RAPGEF4: variants seen among roughly 807,000 people sequenced by gnomAD.
RAPGEF4 encodes the protein RAP guanine-nucleotide-exchange factor (GEF) 4.
Under a neutral mutation model 147.9 loss-of-function variants are expected in RAPGEF4, and 66 were observed. The observed-to-expected ratio is 0.45, with a 90% CI of 0.37 to 0.55. RAPGEF4 has a LOEUF of 0.55. RAPGEF4 is among the 20% of genes least tolerant of loss of function. The pLI is 0.00. For synonymous variants in RAPGEF4, 419 were observed against 442.7 expected, an observed-to-expected ratio of 0.95 and a Z score of 0.67; for missense variants, 1,071 against 1,257.3, an observed-to-expected ratio of 0.85 and a Z score of 2.24.
At position 172,857,724 on chromosome 2, in the gene RAPGEF4, G is replaced by T. The variant is rs1287295821; in HGVS notation, c.444+43299G>T. On this transcript the variant is annotated intron_variant, in intron 4 of 30. Coordinates refer to ENST00000397081, the MANE Select transcript of RAPGEF4 (RefSeq NM_007023.4). ...TGGCAAAACCCCATGTGTACAAAAA[G>T]TACAAAAATTAGCTGGGTGTGGTGG... Among the ~76,000 whole-genome samples the T allele has an allele frequency of 1.6e-4, 24 of 151,570 alleles. 1 individual carries two copies. The highest frequency in any genetic ancestry group is 1.6e-3 in the Admixed American group (24 of 15,200).
intron 14 of RAPGEF4, 130 bp downstream of exon 14, chr2:172,988,969 G>T: frequency 9.9e-7 from 1 of 1,011,248 alleles, no homozygotes; most frequent in Non-Finnish European, 1.4e-6. Flanking sequence ...AAGGGCCTTT[G>T]TTACAAACCG....
chr2:172,775,718 T>G (rs916526288), intron 1 of RAPGEF4, among the ~76,000 whole-genome samples: 1 of 152,160 alleles, frequency 6.6e-6, no homozygotes, highest in Admixed American at 6.5e-5. Flanking sequence ...GTCAAACTTT[T>G]GTCTAACAAA....
intron 4 of RAPGEF4, among the ~76,000 whole-genome samples, chr2:172,815,768 G>C (rs1044462653): frequency 6.6e-6 from 1 of 152,160 alleles, no homozygotes; most frequent in African/African-American, 2.4e-5. Flanking sequence ...AGGATGGTTT[G>C]TGGAAATATT....
Position 172,965,635 on chromosome 2 carries a change from G to A in RAPGEF4, c.772G>A (p.Ala258Thr). Residue 258 changes from alanine to threonine, a missense_variant, in exon 9 of 31, where the codon GCT (alanine) becomes ACT (threonine). By Grantham distance (58) the Ala-to-Thr change is moderately conservative. Transcript: ENST00000397081. The stretch of plus-strand genomic sequence containing the variant: ...ACCATGTGTTCACTCCCGGACTCAA[G>A]CTGTTGGCATGTGGCAAGTCCTGTT... The part of the protein sequence containing the change: ...QTPCVHSRTQ[A>T]VGMWQVLLED... 1 of 1,614,172 alleles carries A rather than the reference G, an allele frequency of 6.2e-7. No individual in the cohort carries two copies. The highest frequency in any genetic ancestry group is 8.5e-7 in the Non-Finnish European group (1 of 1,180,024).
chr2:173,027,508 T>C (rs1376056943), intron 25 of RAPGEF4, among the ~76,000 whole-genome samples: 1 of 152,244 alleles, frequency 6.6e-6, no homozygotes, highest in African/African-American at 2.4e-5. Flanking sequence ...TCTTTGCTCT[T>C]TGCTTTCTAC....
At chr2:172,886,758 C>CT (rs1467218443) in intron 4 of RAPGEF4, among the ~76,000 whole-genome samples, 5 of 147,726 alleles carry the variant, frequency 3.4e-5, no homozygotes, top group Non-Finnish European at 7.5e-5. Flanking sequence ...AGAGATTTTA[C>CT]TATTTTTTTT....
chr2:173,002,036 C>T (rs1023691888), intron 17 of RAPGEF4, among the ~76,000 whole-genome samples: 1 of 130,360 alleles, frequency 7.7e-6, no homozygotes, highest in Non-Finnish European at 1.6e-5. Flanking sequence ...GGGAGGCAGG[C>T]TAGAAAGGGT....
At chr2:172,998,882 T>C (rs1693629020) in intron 16 of RAPGEF4, among the ~76,000 whole-genome samples, 1 of 152,212 alleles carries the variant, frequency 6.6e-6, no homozygotes, top group Admixed American at 6.5e-5. Flanking sequence ...TTCTGGTACA[T>C]TAGAGACTGT....
chr2:173,050,761 A>C (rs1161759299), intron 30 of RAPGEF4, among the ~76,000 whole-genome samples: 1 of 151,104 alleles, frequency 6.6e-6, no homozygotes, highest in Non-Finnish European at 1.5e-5. Flanking sequence ...TCTTAACAAA[A>C]AAAAAAAAAA....
At chr2:172,797,092 T>A (rs1291177858) in intron 2 of RAPGEF4, among the ~76,000 whole-genome samples, 1 of 152,240 alleles carries the variant, frequency 6.6e-6, no homozygotes, top group Admixed American at 6.5e-5. Flanking sequence ...TGGACAATGA[T>A]AATATAGTAG....
At chr2:172,999,289 A>G (rs1693675732) in intron 16 of RAPGEF4, among the ~76,000 whole-genome samples, 1 of 152,210 alleles carries the variant, frequency 6.6e-6, no homozygotes, top group African/African-American at 2.4e-5. Context: ...GAGATAAAGA[A>G]CAAACCAGTA....
At chr2:172,772,813 A>C (rs1383339134) in intron 1 of RAPGEF4, among the ~76,000 whole-genome samples, 2 of 152,258 alleles carry the variant, frequency 1.3e-5, no homozygotes, top group Non-Finnish European at 2.9e-5. Flanking sequence ...GGGGGAAGAC[A>C]GAAGTTTATT....
chr2:172,899,854 C>T (rs1432903602), intron 4 of RAPGEF4, among the ~76,000 whole-genome samples: 3 of 152,178 alleles, frequency 2.0e-5, no homozygotes, highest in South Asian at 2.1e-4. Context: ...GGCTGTGGAC[C>T]GCATGTAGGG....
Position 173,052,704 on chromosome 2 carries a change from T to C in RAPGEF4, c.*937T>C, listed in dbSNP as rs1363624571. 6.6e-6 allele frequency: 1 copy of C among 152,664 alleles called. No homozygotes were observed. Among genetic ancestry groups the C allele is most frequent in the African/African-American group, 2.4e-5 (1 of 41,468 alleles). The allele number at this position is 152,664 out of a possible 1,614,324, so 9.5% of individuals were successfully genotyped here. A position where few individuals can be genotyped will look rare whatever the true frequency, so the allele number is the denominator to read the frequency against. On this transcript the variant is annotated 3_prime_UTR_variant, in exon 31 of 31. Transcript: ENST00000397081. ...TCATTCAATCAATGGTATGGAGTTA[T>C]TTATTTGCTACATAATAGATACTGT...
At chr2:172,987,675 C>G (rs1175562366) in intron 12 of RAPGEF4, among the ~76,000 whole-genome samples, 1 of 152,138 alleles carries the variant, frequency 6.6e-6, no homozygotes, top group African/African-American at 2.4e-5. Context: ...ATACAAGAAG[C>G]TGTGTGTAGA....
chr2:172,936,086 G>A (rs1397156966), intron 6 of RAPGEF4, among the ~76,000 whole-genome samples: 2 of 152,126 alleles, frequency 1.3e-5, no homozygotes, highest in East Asian at 1.9e-4. Context: ...AAAAATAAGT[G>A]TTTTTAAAAA....
At chr2:172,844,401 G>A (rs1380618336) in intron 4 of RAPGEF4, among the ~76,000 whole-genome samples, 6 of 152,186 alleles carry the variant, frequency 3.9e-5, no homozygotes, top group Admixed American at 3.3e-4. Context: ...AAATAAAAAT[G>A]TACTTCCATC....
At chr2:172,812,571 G>A (rs1688126198) in intron 3 of RAPGEF4, among the ~76,000 whole-genome samples, 2 of 152,196 alleles carry the variant, frequency 1.3e-5, no homozygotes, top group African/African-American at 2.4e-5. Flanking sequence ...GTCAGGGATG[G>A]GAGGTGATAA....
intron 7 of RAPGEF4, 141 bp downstream of exon 7, chr2:172,960,954 C>T: frequency 1.2e-6 from 1 of 863,910 alleles, no homozygotes; most frequent in Non-Finnish European, 1.8e-6. Flanking sequence ...TTTCAGTTCT[C>T]AACATAAACC....
Sources: allele counts gnomAD v4.1 joint callset (sites outside exome capture counted in the v4.1 genomes callset), GRCh38; gene constraint gnomAD v4.1.1; transcripts MANE v1.5; gene names NCBI Gene and HGNC (gene_info 2026-07-23, HGNC 2026-07-21).